CRPPA: variants seen among roughly 807,000 people sequenced by gnomAD.
CRPPA encodes CDP-L-ribitol pyrophosphorylase A, also known as D-ribitol-5-phosphate cytidylyltransferase.
A neutral mutation model predicts 52.0 loss-of-function variants in CRPPA; 43 were observed. The ratio of observed to expected loss-of-function variants is 0.83; its 90% CI spans 0.65 to 1.07. The LOEUF is 1.07. CRPPA is among the 50% of genes least tolerant of loss of function. The pLI is 0.00. For synonymous variants in CRPPA, 250 were observed against 203.5 expected, an observed-to-expected ratio of 1.23 and a Z score of -1.94; for missense variants, 629 against 551.7, an observed-to-expected ratio of 1.14 and a Z score of -1.40.
intron 5 of CRPPA, among the ~76,000 whole-genome samples, chr7:16,286,088 A>T (rs1399168731): frequency 7.4e-5 from 1 of 13,526 alleles, no homozygotes; most frequent in Non-Finnish European, 1.5e-4. Context: ...TATAATATTT[A>T]AAAAAAAAAA....
intron 8 of CRPPA, among the ~76,000 whole-genome samples, chr7:16,242,217 G>A (rs1047632456): frequency 2.4e-4 from 36 of 151,948 alleles, no homozygotes; most frequent in Non-Finnish European, 8.8e-5. Context: ...GCCTCCCAAA[G>A]TGTTGGGATT....
At chr7:16,397,266 C>A (rs763979381) in intron 2 of CRPPA, among the ~76,000 whole-genome samples, 47 of 152,052 alleles carry the variant, frequency 3.1e-4, no homozygotes, top group Non-Finnish European at 6.3e-4. Context: ...ATGACCAACA[C>A]AACATGAGGG....
At chr7:16,095,727 T>C (rs1323333665) in intron 9 of CRPPA, among the ~76,000 whole-genome samples, 1 of 152,144 alleles carries the variant, frequency 6.6e-6, no homozygotes, top group African/African-American at 2.4e-5. Context: ...GCAATCTCTC[T>C]GGGTAGAAAA....
At chr7:16,159,960 G>C (rs1209162365) in intron 9 of CRPPA, among the ~76,000 whole-genome samples, 1 of 152,106 alleles carries the variant, frequency 6.6e-6, no homozygotes, top group Non-Finnish European at 1.5e-5. Flanking sequence ...ACGTTTGTTG[G>C]CTGCATAACC....
intron 8 of CRPPA, 186 bp from the exon 9 acceptor site, chr7:16,216,383 G>A (rs1472139475): frequency 6.8e-6 from 3 of 443,712 alleles, no homozygotes; most frequent in Non-Finnish European, 1.2e-5. Flanking sequence ...TATAAACACA[G>A]ATGTAGTAAA....
chr7:16,357,718 T>G (rs1423764152), intron 3 of CRPPA, among the ~76,000 whole-genome samples: 1 of 152,122 alleles, frequency 6.6e-6, no homozygotes, highest in East Asian at 1.9e-4. Context: ...CAGGAAAGAT[T>G]TCATATAAGG....
chr7:16,181,670 T>G (rs187145277), intron 9 of CRPPA, among the ~76,000 whole-genome samples: 120 of 152,114 alleles, frequency 7.9e-4, no homozygotes, highest in African/African-American at 2.8e-3. Context: ...ACAGAGCACT[T>G]TTCTCAACTT....
At chr7:16,159,592 T>G (rs1783260565) in intron 9 of CRPPA, among the ~76,000 whole-genome samples, 1 of 152,216 alleles carries the variant, frequency 6.6e-6, no homozygotes, top group East Asian at 1.9e-4. Flanking sequence ...CAACATTTTC[T>G]TTATCCAGTC....
chr7:16,258,873 C>A, intron 7 of CRPPA, 47 bp downstream of exon 7: 5 of 1,195,726 alleles, frequency 4.2e-6, no homozygotes, highest in Non-Finnish European at 6.0e-6. Context: ...TTCTCTTCCA[C>A]ATTTGTTCAT....
chr7:16,228,211 T>G (rs922991599), intron 8 of CRPPA, among the ~76,000 whole-genome samples: 1 of 151,862 alleles, frequency 6.6e-6, no homozygotes, highest in African/African-American at 2.4e-5. Flanking sequence ...CGGTTTTGAC[T>G]ATTCAGGGTC....
chr7:16,353,519 A>G (rs181258281), intron 3 of CRPPA, among the ~76,000 whole-genome samples: 1 of 152,298 alleles, frequency 6.6e-6, no homozygotes, highest in East Asian at 1.9e-4. Context: ...ACGATGGTTA[A>G]TAATACATTG....
intron 6 of CRPPA, among the ~76,000 whole-genome samples, chr7:16,275,464 A>G (rs1178950892): frequency 6.6e-6 from 1 of 152,210 alleles, no homozygotes; most frequent in African/African-American, 2.4e-5. Context: ...AGTACAGGCA[A>G]AGGACGGCCA....
chr7:16,399,586 G>T (rs922734420), intron 2 of CRPPA, among the ~76,000 whole-genome samples: 3 of 151,936 alleles, frequency 2.0e-5, no homozygotes, highest in Middle Eastern at 3.2e-3. Context: ...TGTGACAAGC[G>T]ACTTACACGA....
At chr7:16,110,483 A>G (rs1782238554) in intron 9 of CRPPA, among the ~76,000 whole-genome samples, 1 of 152,134 alleles carries the variant, frequency 6.6e-6, no homozygotes, top group Non-Finnish European at 1.5e-5. Context: ...GAGCGAAAAG[A>G]GCCAAGCTGA....
chr7:16,184,590 T>C (rs1315140412), intron 9 of CRPPA, among the ~76,000 whole-genome samples: 1 of 152,208 alleles, frequency 6.6e-6, no homozygotes, highest in East Asian at 1.9e-4. Flanking sequence ...TGCTTCTCAA[T>C]GGCAGAGACA....
intron 9 of CRPPA, among the ~76,000 whole-genome samples, chr7:16,158,315 C>T (rs571885617): frequency 1.3e-5 from 2 of 152,178 alleles, no homozygotes; most frequent in East Asian, 1.9e-4. Context: ...TCATTATATA[C>T]ATTTCCCCTT....
intron 3 of CRPPA, among the ~76,000 whole-genome samples, chr7:16,348,011 C>T (rs758688216): frequency 1.3e-5 from 2 of 152,056 alleles, no homozygotes; most frequent in Non-Finnish European, 2.9e-5. Context: ...AATAGCTCCC[C>T]ATTTCTCTCT....
At position 16,134,090 on chromosome 7, in the gene CRPPA, C is replaced by A. The variant is rs559022127; in HGVS notation, c.1252-42291G>T. Among the ~76,000 whole-genome samples, 2 of 123,942 alleles carry A rather than the reference C, an allele frequency of 1.6e-5. 1 individual carries two copies. Among genetic ancestry groups the A allele is most frequent in the South Asian group, 8.0e-4 (2 of 2,514 alleles). The allele number at this position is 123,942 out of a possible 152,430, so 81.3% of individuals were successfully genotyped here. Reference sequence around the variant, plus strand: ...GGGACTACAGGCGCCCGCCACCACGCCCGGCTAATTTTTTGTATTTTTAGC... The same window carrying A: ...GGGACTACAGGCGCCCGCCACCACGACCGGCTAATTTTTTGTATTTTTAGC... On this transcript the variant is annotated intron_variant, in intron 9 of 9. Coordinates refer to ENST00000407010, the MANE Select transcript of CRPPA (RefSeq NM_001101426.4).
chr7:16,136,518 AG>A (rs1782765197), intron 9 of CRPPA, among the ~76,000 whole-genome samples: 1 of 152,228 alleles, frequency 6.6e-6, no homozygotes, highest in South Asian at 2.1e-4. Flanking sequence ...TTGAAGTTCA[AG>A]AAGGACCCAA....
Sources: gnomAD v4.1 joint callset for allele counts (sites outside exome capture counted in the v4.1 genomes callset) on GRCh38, gnomAD v4.1.1 for gene constraint, MANE v1.5 for transcripts, NCBI Gene and HGNC (gene_info 2026-07-23, HGNC 2026-07-21) for gene names.